The following UBL7 variants were observed in gnomAD, a reference collection of about 807,000 sequenced individuals.
UBL7 encodes the protein ubiquitin like 7, also known as ubiquitin-like protein 7.
UBL7 carries 21 observed loss-of-function variants against 41.7 expected under a neutral mutation model. The ratio of observed to expected loss-of-function variants is 0.50; its 90% CI spans 0.36 to 0.73. The LOEUF is 0.73. Among genes scored for constraint, UBL7 ranks in the 30% least tolerant of loss-of-function variants. UBL7 has a pLI of 0.00. For synonymous variants in UBL7, 157 were observed against 186.9 expected (o/e 0.84, Z 1.31); for missense variants, 403 against 478.4 (o/e 0.84, Z 1.47).
rs2061183050 is a variant in UBL7, at chr15:74,446,257, G to A, written c.1006-30C>T. ...GGAAAGATAGGAATGGGCAGAAGCTGTTAGCTGGGATCCAGTGAAGACTCA... is the reference window on the plus strand; with the variant it reads ...GGAAAGATAGGAATGGGCAGAAGCTATTAGCTGGGATCCAGTGAAGACTCA... On this transcript the variant is annotated intron_variant, in intron 10 of 10. Coordinates refer to ENST00000395081, the MANE Select transcript of UBL7 (RefSeq NM_032907.5). This position sits in a 1 kb window ranked among gnomAD's most constrained non-coding sequence, Gnocchi z 4.1. 2 of 1,612,702 alleles carry A rather than the reference G, an allele frequency of 1.2e-6. No individual in the cohort carries two copies. The highest frequency in any genetic ancestry group is 8.5e-7 in the Non-Finnish European group (1 of 1,179,408).
At chr15:74,451,346 G>C in intron 5 of UBL7, 90 bp downstream of exon 5, 1 of 1,170,946 alleles carries the variant, frequency 8.5e-7, no homozygotes, top group Non-Finnish European at 1.3e-6. Context: ...TTCTTCAAAA[G>C]ATAGTCCAAG....
At chr15:74,451,945 A>G (rs2061250299) in intron 4 of UBL7, among the ~76,000 whole-genome samples, 1 of 152,220 alleles carries the variant, frequency 6.6e-6, no homozygotes, top group African/African-American at 2.4e-5. Context: ...CTCCTACAGA[A>G]AGACATCAGC....
At chr15:74,449,559 T>G in intron 8 of UBL7, 67 bp downstream of exon 8, 1 of 1,611,468 alleles carries the variant, frequency 6.2e-7, no homozygotes, top group Non-Finnish European at 8.5e-7. Context: ...GGTCCCAGGA[T>G]GCAGCTCATT....
At chr15:74,448,925 GA>G (rs2061212498) in intron 9 of UBL7, among the ~76,000 whole-genome samples, 2 of 152,178 alleles carry the variant, frequency 1.3e-5, no homozygotes, top group African/African-American at 2.4e-5. Flanking sequence ...CAGGGATGAG[GA>G]AGGGCATATT....
chr15:74,459,520 T>C (rs2061327763), intron 1 of UBL7, among the ~76,000 whole-genome samples: 1 of 150,826 alleles, frequency 6.6e-6, no homozygotes, highest in African/African-American at 2.4e-5. Context: ...GGTTTCACTG[T>C]GTTAGCCAGG....
intron 10 of UBL7, among the ~76,000 whole-genome samples, chr15:74,447,221 C>T (rs2061192174): frequency 6.6e-6 from 1 of 152,218 alleles, no homozygotes; most frequent in Admixed American, 6.5e-5. Flanking sequence ...GGCTTGAACC[C>T]TATCGTTACG....
chr15:74,452,342 C>G lies in UBL7; in HGVS notation c.341G>C (p.Arg114Pro), dbSNP rs749570682. Residue 114 changes from arginine to proline, a missense_variant, in exon 4 of 11, where the codon CGG (arginine) becomes CCG (proline). By Grantham distance (103) the Arg-to-Pro change is moderately radical. Coordinates refer to ENST00000395081, the MANE Select transcript of UBL7 (RefSeq NM_032907.5). ...VDKVAAMREF[R>P]VLHTALHSSS... ...GCTGTGCAGGGCAGTGTGCAACACC[C>G]GGAACTCTCTCATGGCAGCCACTTT... The G allele has an allele frequency of 6.4e-7, 1 of 1,561,674 alleles. No homozygotes were observed. The highest frequency in any genetic ancestry group is 1.9e-5 in the Admixed American group (1 of 52,394).
chr15:74,454,225 G>T (rs982269022), intron 3 of UBL7, among the ~76,000 whole-genome samples: 1 of 152,094 alleles, frequency 6.6e-6, no homozygotes, highest in Admixed American at 6.5e-5. Context: ...GTATAAAAGG[G>T]AAAAAACCTG....
intron 10 of UBL7, among the ~76,000 whole-genome samples, chr15:74,447,613 G>A (rs1431892762): frequency 6.6e-6 from 1 of 152,156 alleles, no homozygotes; most frequent in African/African-American, 2.4e-5. Flanking sequence ...AGGCTGAGGT[G>A]GGAGGATCAC....
Position 74,456,504 on chromosome 15 carries a change from G to T in UBL7, c.304+48C>A, listed in dbSNP as rs555052222. On this transcript the variant is annotated intron_variant, in intron 3 of 10. Coordinates refer to ENST00000395081, the MANE Select transcript of UBL7 (RefSeq NM_032907.5). ...TCAAGAACACACAGATCCTTCCCTT[G>T]CGGATATTACAGAAACTCTGCCTGC... 11 of 1,606,966 alleles carry T rather than the reference G, an allele frequency of 6.8e-6. No homozygotes were observed. The East Asian group carries it at 1.6e-4, about 23-fold the overall frequency.
In UBL7 at chr15:74,450,073, G is replaced by T; in HGVS notation, c.531-4C>A. Reference sequence around the variant, plus strand: ...GGCTGGGTGAGCAGGCACCAACCTAGGATAGAAGCAGGAAGAAACCCAAGG... The same window carrying T: ...GGCTGGGTGAGCAGGCACCAACCTATGATAGAAGCAGGAAGAAACCCAAGG... On this transcript the variant is annotated splice_region_variant and splice_polypyrimidine_tract_variant and intron_variant, in intron 6 of 10. Transcript: ENST00000395081. 6.2e-7 allele frequency: 1 copy of T among 1,610,850 alleles called. No individual in the cohort carries two copies. The highest frequency in any genetic ancestry group is 2.2e-5 in the East Asian group (1 of 44,820).
chr15:74,456,451 A>G, intron 3 of UBL7, 101 bp downstream of exon 3: 1 of 1,450,158 alleles, frequency 6.9e-7, no homozygotes. Context: ...TCAGTAAATC[A>G]TCCCTTTGTT....
intron 1 of UBL7, chr15:74,459,160 T>C (rs952189169): frequency 8.1e-6 from 3 of 372,356 alleles, no homozygotes; most frequent in Non-Finnish European, 1.5e-5. Context: ...AGAGAGATCA[T>C]CTAACCCTCT....
chr15:74,455,991 G>A (rs1214082645), intron 3 of UBL7, among the ~76,000 whole-genome samples: 2 of 152,190 alleles, frequency 1.3e-5, no homozygotes, highest in Non-Finnish European at 2.9e-5. Flanking sequence ...GCCAGGCTTG[G>A]TGGTGGGCGC....
chr15:74,450,127 A>G (rs2289188), intron 6 of UBL7, 58 bp from the exon 7 acceptor site: 272,980 of 1,527,732 alleles, frequency 0.18, 35,558 homozygotes, highest in East Asian at 0.53. Context: ...CCTCAGCCAT[A>G]ACAGGAGTTC....
intron 8 of UBL7, 121 bp from the exon 9 acceptor site, chr15:74,449,474 C>A: frequency 6.5e-7 from 1 of 1,536,148 alleles, no homozygotes; most frequent in Non-Finnish European, 8.9e-7. Context: ...AGAAAGGAAT[C>A]CAAAAGCAGA....
chr15:74,450,143 G>T, intron 6 of UBL7, 74 bp from the exon 7 acceptor site: 4 of 1,485,096 alleles, frequency 2.7e-6, no homozygotes, highest in Non-Finnish European at 3.6e-6. Flanking sequence ...AGTTCTGGGT[G>T]CCCCCTCACA....
Position 74,446,092 on chromosome 15 carries a change from A to T in UBL7, c.1141T>A (p.Ter381ArgextTer6), listed in dbSNP as rs1251181584. ...GGGGTTCAGGGGAAGCAGGGAGTTC[A>T]TGGGGCTCCTCCAGCAAAGATGAGC... is the stretch of plus-strand genomic sequence containing the variant. ...LELIFAGGAP* is the reference protein window; with the variant it reads ...LELIFAGGAPR The change falls in exon 11 of 11, where the codon TGA becomes AGA. Residue 381 changes from the stop codon to arginine (R), a stop_lost. Transcript: ENST00000395081. This position sits in a 1 kb window ranked among gnomAD's most constrained non-coding sequence, Gnocchi z 4.1. 6.2e-7 allele frequency: 1 copy of T among 1,613,884 alleles called. No homozygotes were observed. Among genetic ancestry groups the T allele is most frequent in the Non-Finnish European group, 8.5e-7 (1 of 1,179,920 alleles).
chr15:74,448,416 A>G (rs2061206250), intron 10 of UBL7, 62 bp downstream of exon 10: 1 of 1,605,160 alleles, frequency 6.2e-7, no homozygotes, highest in Non-Finnish European at 8.5e-7. Flanking sequence ...GAGCAAAACA[A>G]AGGCTGGGCA....
Sources: gnomAD v4.1 joint callset for allele counts (sites outside exome capture counted in the v4.1 genomes callset) on GRCh38, gnomAD v4.1.1 for gene constraint, Gnocchi (gnomAD v3.1) non-coding constraint, MANE v1.5 for transcripts, NCBI Gene and HGNC (gene_info 2026-07-23, HGNC 2026-07-21) for gene names.